Variants in PTDSS1 observed in about 807,000 individuals in gnomAD.
PTDSS1 encodes phosphatidylserine synthase 1, also known as PSS-1.
Under a neutral mutation model 70.5 loss-of-function variants are expected in PTDSS1, and 45 were observed. The ratio of observed to expected loss-of-function variants is 0.64; its 90% CI spans 0.50 to 0.82. The LOEUF is 0.82. Among genes scored for constraint, PTDSS1 ranks in the 40% least tolerant of loss-of-function variants. The probability of loss-of-function intolerance (pLI) is 0.00; values close to 1 mark genes in which losing one functional copy is unlikely to be tolerated. For missense variants in PTDSS1, 417 were observed against 586.1 expected, an observed-to-expected ratio of 0.71 and a Z score of 2.98; for synonymous variants, 188 against 203.8, an observed-to-expected ratio of 0.92 and a Z score of 0.66.
chr8:96,288,892 G>A (rs1483900588), intron 4 of PTDSS1, among the ~76,000 whole-genome samples: 1 of 151,354 alleles, frequency 6.6e-6, no homozygotes, highest in African/African-American at 2.4e-5. Flanking sequence ...GCCTTCCAAA[G>A]TGCTGGAATT....
chr8:96,276,630 G>A (rs946586802), intron 2 of PTDSS1, among the ~76,000 whole-genome samples: 3 of 152,128 alleles, frequency 2.0e-5, no homozygotes, highest in African/African-American at 4.8e-5. Context: ...TCCCTTCCGC[G>A]GTGCTGCTCT....
chr8:96,312,522 A>G (rs1395470903), intron 9 of PTDSS1, among the ~76,000 whole-genome samples: 1 of 151,462 alleles, frequency 6.6e-6, no homozygotes, highest in Non-Finnish European at 1.5e-5. Context: ...AGTGGTAAAC[A>G]CTGCCCCAGA....
In PTDSS1 at chr8:96,291,831, AC is replaced by A. The variant is rs750888863; in HGVS notation, c.442-3266del. On this transcript the variant is annotated intron_variant, in intron 4 of 12. Transcript: ENST00000517309. ...ATTCCAGATCAGTTTTTATAGTGGG[AC>A]TGCTTCATAGCTGGTGCTGCGTATC... 1.2e-3 allele frequency among the ~76,000 whole-genome samples: 189 copies of A among 152,168 alleles called. 1 individual carries two copies. Among genetic ancestry groups the A allele is most frequent in the Non-Finnish European group, 2.3e-3 (156 of 67,998 alleles).
At position 96,286,915 on chromosome 8, in the gene PTDSS1, G is replaced by T. The variant is rs966385176; in HGVS notation, c.317-107G>T. 3.6e-6 allele frequency: 5 copies of T among 1,385,362 alleles called. No homozygotes were observed. The African/African-American group carries it at 5.7e-5, about 16-fold the overall frequency. The allele number at this position is 1,385,362 out of a possible 1,614,324, so 85.8% of individuals were successfully genotyped here. The stretch of plus-strand genomic sequence containing the variant: ...AAGAGGAGTCTTGACAGGCTGTGCT[G>T]CAATCTTAGTGTCTGGTTTTGGCAA... On this transcript the variant is annotated intron_variant, in intron 3 of 12. Coordinates refer to ENST00000517309, the MANE Select transcript of PTDSS1 (RefSeq NM_014754.3).
At chr8:96,294,637 G>A (rs770202426) in intron 4 of PTDSS1, among the ~76,000 whole-genome samples, 16 of 151,740 alleles carry the variant, frequency 1.1e-4, no homozygotes, top group Admixed American at 2.0e-4. Flanking sequence ...CAATTTTTAC[G>A]TGGTGTATTT....
chr8:96,277,997 C>T (rs1810673489), intron 2 of PTDSS1, among the ~76,000 whole-genome samples: 1 of 152,198 alleles, frequency 6.6e-6, no homozygotes, highest in African/African-American at 2.4e-5. Flanking sequence ...GGCTCAGTGA[C>T]CTGTGAAGAC....
chr8:96,331,088 G>C lies in PTDSS1; in HGVS notation c.1305G>C (p.Gly435=). Residue 435 remains glycine, a synonymous_variant, in exon 12 of 13, where the codon GGG becomes GGC. Transcript: ENST00000517309. ...SPEISWHHRK[G]TKGSEDSPPK... is the part of the protein sequence containing the mutation. ...AGATCTCCTGGCATCACAGGAAAGG[G>C]ACAAAAGGTATCTTGTTCTTGTTCG... 6.3e-7 allele frequency: 1 copy of C among 1,598,512 alleles called. No individual in the cohort carries two copies.
At chr8:96,270,008 A>G (rs1810542653) in intron 1 of PTDSS1, among the ~76,000 whole-genome samples, 1 of 152,186 alleles carries the variant, frequency 6.6e-6, no homozygotes, top group Non-Finnish European at 1.5e-5. Flanking sequence ...CCTATGAGGT[A>G]GAACTATTAC....
At chr8:96,267,163 G>A (rs1000512257) in intron 1 of PTDSS1, among the ~76,000 whole-genome samples, 1 of 152,166 alleles carries the variant, frequency 6.6e-6, no homozygotes, top group African/African-American at 2.4e-5. Context: ...CCAGATTTCT[G>A]TAGAGAAGTT....
At chr8:96,316,994 AAT>A (rs545890811) in intron 9 of PTDSS1, among the ~76,000 whole-genome samples, 106 of 147,488 alleles carry the variant, frequency 7.2e-4, no homozygotes, top group Admixed American at 3.4e-3. Flanking sequence ...ACTCCGTCTA[AAT>A]ATATATATAT....
chr8:96,265,930 A>C (rs999645220), intron 1 of PTDSS1, among the ~76,000 whole-genome samples: 3 of 152,252 alleles, frequency 2.0e-5, no homozygotes, highest in Admixed American at 6.5e-5. Flanking sequence ...CATCTCTATT[A>C]AAAAATAAAT....
At chr8:96,306,677 T>C (rs1238189749) in intron 8 of PTDSS1, 121 bp downstream of exon 8, 1 of 768,676 alleles carries the variant, frequency 1.3e-6, no homozygotes, top group Admixed American at 2.4e-5. Flanking sequence ...TCGTAAAGAA[T>C]TGTACATCCA....
intron 10 of PTDSS1, among the ~76,000 whole-genome samples, chr8:96,324,507 G>C (rs987016118): frequency 1.3e-5 from 2 of 152,210 alleles, no homozygotes; most frequent in African/African-American, 4.8e-5. Flanking sequence ...AGTTTTGGAG[G>C]TTGGGAAGTC....
chr8:96,315,974 G>A (rs775890794), intron 9 of PTDSS1, among the ~76,000 whole-genome samples: 2 of 152,156 alleles, frequency 1.3e-5, no homozygotes, highest in Non-Finnish European at 2.9e-5. Flanking sequence ...ACAGGCTCCC[G>A]CTGTGCTGAA....
chr8:96,311,051 C>T (rs1022301269), intron 9 of PTDSS1, among the ~76,000 whole-genome samples: 1 of 152,212 alleles, frequency 6.6e-6, no homozygotes, highest in African/African-American at 2.4e-5. Flanking sequence ...CAGGCTTGAG[C>T]CACTGCGCCC....
intron 2 of PTDSS1, among the ~76,000 whole-genome samples, chr8:96,280,533 A>C (rs1304134509): frequency 6.6e-6 from 1 of 152,102 alleles, no homozygotes; most frequent in Non-Finnish European, 1.5e-5. Context: ...GCGCCAGTGC[A>C]CTCCAGCCTA....
At position 96,287,024 on chromosome 8, in the gene PTDSS1, C is replaced by A; in HGVS notation, c.319C>A (p.Leu107Ile). 6 of 1,613,988 alleles carry A rather than the reference C, an allele frequency of 3.7e-6. No homozygotes were observed. Among genetic ancestry groups the A allele is most frequent in the Non-Finnish European group, 5.1e-6 (6 of 1,179,922 alleles). Residue 107 changes from leucine (L) to isoleucine (I), a missense_variant and splice_region_variant, in exon 4 of 13, where the codon CTC (leucine) becomes ATC (isoleucine). Transcript: ENST00000517309. ...HPALWRMVFG[L>I]SVLYFLFLVF... ...CAGCATGTTTTTGTTTCTCTCAGGA[C>A]TCAGTGTGCTCTACTTCCTGTTCCT... is the stretch of plus-strand genomic sequence containing the variant.
At chr8:96,288,023 C>A (rs1206856221) in intron 4 of PTDSS1, among the ~76,000 whole-genome samples, 1 of 152,160 alleles carries the variant, frequency 6.6e-6, no homozygotes, top group Non-Finnish European at 1.5e-5. Context: ...TGCTTCTGAC[C>A]AATCAGCTAC....
chr8:96,264,129 T>C (rs554944947), intron 1 of PTDSS1, among the ~76,000 whole-genome samples: 1 of 152,362 alleles, frequency 6.6e-6, no homozygotes, highest in East Asian at 1.9e-4. Context: ...AAATGAATCA[T>C]GTCCCTAACT....
Sources: allele counts gnomAD v4.1 joint callset (sites outside exome capture counted in the v4.1 genomes callset), GRCh38; gene constraint gnomAD v4.1.1; transcripts MANE v1.5; gene names NCBI Gene and HGNC (gene_info 2026-07-23, HGNC 2026-07-21).